RYR2: variants seen among roughly 807,000 people sequenced by gnomAD.
RYR2 encodes cardiac muscle ryanodine receptor-calcium release channel.
A neutral mutation model predicts 601.1 loss-of-function variants in RYR2; 227 were observed. The observed-to-expected ratio is 0.38, with a 90% CI of 0.34 to 0.42. The LOEUF (loss-of-function observed/expected upper bound fraction) is 0.42. Among genes scored for constraint, RYR2 ranks in the 10% least tolerant of loss-of-function variants. The probability of loss-of-function intolerance (pLI) is 1.00; values close to 1 mark genes in which losing one functional copy is unlikely to be tolerated. For missense variants in RYR2, 4,646 were observed against 6,156.5 expected (o/e 0.75, Z 8.21); for synonymous variants, 2,223 against 2,175.1 (o/e 1.02, Z -0.61).
intron 17 of RYR2, 87 bp downstream of exon 17, chr1:237,469,274 A>C (rs1167263160): frequency 3.8e-6 from 3 of 793,604 alleles, no homozygotes; most frequent in Non-Finnish European, 5.5e-6. Flanking sequence ...AAAAAAAAAA[A>C]AAAAACAACT....
At chr1:237,552,901 T>C (rs1670544752) in intron 27 of RYR2, among the ~76,000 whole-genome samples, 1 of 152,036 alleles carries the variant, frequency 6.6e-6, no homozygotes, top group Non-Finnish European at 1.5e-5. Flanking sequence ...TCTCTTAGAC[T>C]AAATATTTAG....
At chr1:237,515,746 T>TCCGTC (rs1558952465) in intron 24 of RYR2, among the ~76,000 whole-genome samples, 7 of 81,074 alleles carry the variant, frequency 8.6e-5, no homozygotes, top group Admixed American at 1.3e-4. Flanking sequence ...CTTCCCCTTC[T>TCCGTC]TCCTCTTCTT....
intron 1 of RYR2, among the ~76,000 whole-genome samples, chr1:237,089,051 T>TC (rs1666666802): frequency 6.6e-6 from 1 of 152,186 alleles, no homozygotes; most frequent in Non-Finnish European, 1.5e-5. Flanking sequence ...AGCTCCAAAT[T>TC]CATGGAAAGG....
chr1:237,083,888 C>T (rs1027593381), intron 1 of RYR2, among the ~76,000 whole-genome samples: 5 of 152,136 alleles, frequency 3.3e-5, no homozygotes, highest in African/African-American at 1.2e-4. Context: ...CATGAAAATC[C>T]AGTGTGTATG....
chr1:237,700,361 C>T lies in RYR2; in HGVS notation c.9261C>T (p.Pro3087=). 6.2e-7 allele frequency: 1 copy of T among 1,605,260 alleles called. No individual in the cohort carries two copies. The highest frequency in any genetic ancestry group is 2.2e-5 in the East Asian group (1 of 44,678). Residue 3087 remains proline (P), a synonymous_variant, in exon 65 of 105, where the codon CCC becomes CCT. Transcript: ENST00000366574. The stretch of plus-strand genomic sequence containing the variant: ...AGTTCACTCACACCCGAAACCAGCC[C>T]AAAGGGGTTACTCAGATTATCAATT... ...QGQFTHTRNQ[P]KGVTQIINYT... is the part of the protein sequence containing the mutation.
chr1:237,091,229 G>A (rs569389616), intron 1 of RYR2, among the ~76,000 whole-genome samples: 3 of 152,288 alleles, frequency 2.0e-5, no homozygotes, highest in East Asian at 1.9e-4. Context: ...ACAATTGGCA[G>A]CTCTTACAGC....
chr1:237,309,025 A>G (rs1421551270), intron 2 of RYR2, among the ~76,000 whole-genome samples: 1 of 151,992 alleles, frequency 6.6e-6, no homozygotes, highest in East Asian at 1.9e-4. Context: ...GCATTTACAA[A>G]CCTTGAGCTA....
chr1:237,327,030 C>T (rs1572614313), intron 2 of RYR2, among the ~76,000 whole-genome samples: 1 of 152,164 alleles, frequency 6.6e-6, no homozygotes, highest in Non-Finnish European at 1.5e-5. Flanking sequence ...TAGTTGTTGA[C>T]TTTAAAAGGT....
At chr1:237,468,979 T>G (rs1558870582) in intron 16 of RYR2, 113 bp from the exon 17 acceptor site, 2 of 717,892 alleles carry the variant, frequency 2.8e-6, no homozygotes, top group Non-Finnish European at 4.7e-6. Context: ...AGTTTTTAGA[T>G]GTAACAGAGG....
chr1:237,507,780 T>C (rs114239315), intron 23 of RYR2, among the ~76,000 whole-genome samples: 370 of 152,354 alleles, frequency 2.4e-3, no homozygotes, highest in African/African-American at 8.5e-3. Flanking sequence ...ACATAGCTAG[T>C]GAGTAGCAGC....
chr1:237,599,549 A>G (rs1466963486), intron 34 of RYR2, among the ~76,000 whole-genome samples: 1 of 152,096 alleles, frequency 6.6e-6, no homozygotes, highest in African/African-American at 2.4e-5. Flanking sequence ...GGCTGGGCGC[A>G]GTGACTCATG....
intron 1 of RYR2, among the ~76,000 whole-genome samples, chr1:237,199,300 C>T (rs987981395): frequency 6.6e-6 from 1 of 152,186 alleles, no homozygotes; most frequent in African/African-American, 2.4e-5. Context: ...CAAGGAAGCC[C>T]GTCCAAGTCC....
intron 100 of RYR2, among the ~76,000 whole-genome samples, chr1:237,817,830 A>G (rs141338556): frequency 7.9e-5 from 12 of 152,342 alleles, no homozygotes; most frequent in African/African-American, 2.9e-4. Context: ...TGTCCCCATC[A>G]TTCTGGTCAG....
Position 237,726,238 on chromosome 1 carries a change from T to A in RYR2, c.10690-35T>A, listed in dbSNP as rs771618388. On this transcript the variant is annotated intron_variant, in intron 74 of 104. Coordinates refer to ENST00000366574, the MANE Select transcript of RYR2 (RefSeq NM_001035.3). Reference sequence around the variant, plus strand: ...CAAAGGATAATAAATGTAGTTTTACTTTTTTAGCTAACATAACATTTTTAT... The same window carrying A: ...CAAAGGATAATAAATGTAGTTTTACATTTTTAGCTAACATAACATTTTTAT... 2.7e-5 allele frequency: 39 copies of A among 1,446,670 alleles called. No homozygotes were observed. In the East Asian group the frequency reaches 8.1e-4, roughly 30 times the overall value. The allele number at this position is 1,446,670 out of a possible 1,614,324, so 89.6% of individuals were successfully genotyped here.
intron 91 of RYR2, among the ~76,000 whole-genome samples, chr1:237,786,954 C>CA: frequency 6.6e-6 from 1 of 152,262 alleles, no homozygotes; most frequent in South Asian, 2.1e-4. Flanking sequence ...GCAAGACAGG[C>CA]ATTTCAATGG....
intron 5 of RYR2, among the ~76,000 whole-genome samples, chr1:237,367,420 T>C (rs1263100192): frequency 6.6e-6 from 1 of 152,216 alleles, no homozygotes; most frequent in Non-Finnish European, 1.5e-5. Flanking sequence ...TTCAGCAGTT[T>C]TTCTTATTTT....
intron 74 of RYR2, among the ~76,000 whole-genome samples, chr1:237,723,596 A>G (rs901745574): frequency 6.6e-6 from 1 of 152,148 alleles, no homozygotes; most frequent in Non-Finnish European, 1.5e-5. Context: ...TACTTTATGC[A>G]TACTTCATTT....
At chr1:237,493,171 C>T (rs1019988782) in intron 19 of RYR2, 84 bp downstream of exon 19, 114 of 1,480,610 alleles carry the variant, frequency 7.7e-5, no homozygotes, top group Non-Finnish European at 9.6e-5. Context: ...ACTATATGGT[C>T]TGTTTTTTAA....
intron 25 of RYR2, among the ~76,000 whole-genome samples, chr1:237,545,218 A>G (rs971871742): frequency 4.6e-5 from 7 of 152,278 alleles, no homozygotes; most frequent in African/African-American, 1.7e-4. Flanking sequence ...GAAGAAAACA[A>G]TGTAGAAAAT....
Sources: allele counts gnomAD v4.1 joint callset (sites outside exome capture counted in the v4.1 genomes callset), GRCh38; gene constraint gnomAD v4.1.1; transcripts MANE v1.5; gene names NCBI Gene and HGNC (gene_info 2026-07-23, HGNC 2026-07-21).